Variants in ABCF2 observed in about 807,000 individuals in gnomAD.
The protein encoded by ABCF2 is ATP-binding cassette sub-family F member 2.
Under a neutral mutation model 76.9 loss-of-function variants are expected in ABCF2, and 37 were observed. The observed-to-expected ratio is 0.48, with a 90% CI of 0.37 to 0.63. The LOEUF is 0.63. Ranked by LOEUF, ABCF2 falls within the 30% of genes least tolerant of loss-of-function variation. The pLI is 0.00. For synonymous variants in ABCF2, 299 were observed against 283.7 expected (o/e 1.05, Z -0.54); for missense variants, 524 against 782.1 (o/e 0.67, Z 3.94).
At chr7:151,223,885 C>G in intron 4 of ABCF2, 36 bp from the exon 5 acceptor site, 1 of 1,605,174 alleles carries the variant, frequency 6.2e-7, no homozygotes, top group Non-Finnish European at 8.5e-7. Flanking sequence ...CTCCTGGGGG[C>G]CTTTCTGGGA....
In ABCF2 at chr7:151,223,858, A is replaced by G. The variant is rs762541455; in HGVS notation, c.551-9T>C. 5 of 1,607,150 alleles carry G rather than the reference A, an allele frequency of 3.1e-6. No homozygotes were observed. The South Asian group carries it at 3.3e-5, about 11-fold the overall frequency. On this transcript the variant is annotated splice_polypyrimidine_tract_variant and intron_variant, in intron 4 of 14. Transcript: ENST00000287844. ...GAGCTTCTCACACTCCGCTGTGGAC[A>G]GTGTATGGCCATGAGGCTCCTGGGG...
intron 3 of ABCF2, among the ~76,000 whole-genome samples, chr7:151,224,372 G>C (rs1802332751): frequency 6.6e-6 from 1 of 151,994 alleles, no homozygotes; most frequent in Non-Finnish European, 1.5e-5. Flanking sequence ...AACTTCTCCA[G>C]CACCTGCTGT....
chr7:151,211,755 C>T lies in ABCF2; in HGVS notation c.*2299G>A. ...GATGCCATTCTCCCCTGAACCAAGG[C>T]TCTGGACTCTCAGGACAGACTAACC... On this transcript the variant is annotated 3_prime_UTR_variant, in exon 15 of 15. Coordinates refer to ENST00000287844, the MANE Select transcript of ABCF2 (RefSeq NM_007189.3). The T allele has an allele frequency of 1.0e-6, 1 of 985,414 alleles. No homozygotes were observed. Among genetic ancestry groups the T allele is most frequent in the Non-Finnish European group, 1.2e-6 (1 of 829,932 alleles). 61.0% of individuals were successfully genotyped at this position (985,414 alleles called of 1,614,324 possible). A position where few individuals can be genotyped will look rare whatever the true frequency, so the allele number is the denominator to read the frequency against.
chr7:151,221,520 A>T, intron 7 of ABCF2, 58 bp downstream of exon 7: 18 of 1,055,414 alleles, frequency 1.7e-5, no homozygotes, highest in Non-Finnish European at 2.1e-5. Flanking sequence ...TTTTTTAAAG[A>T]GAATTTCAGA....
At chr7:151,225,924 T>C (rs1802362854) in intron 2 of ABCF2, among the ~76,000 whole-genome samples, 2 of 152,192 alleles carry the variant, frequency 1.3e-5, no homozygotes, top group Middle Eastern at 3.2e-3. Flanking sequence ...TACTCTCTTG[T>C]AGGTAGAGCC....
In ABCF2 at chr7:151,211,564, C is replaced by T. The variant is rs1440538028; in HGVS notation, c.*2490G>A. 1 of 985,260 alleles carries T rather than the reference C, an allele frequency of 1.0e-6. No individual in the cohort carries two copies. Among genetic ancestry groups the T allele is most frequent in the African/African-American group, 1.7e-5 (1 of 57,230 alleles). 61.0% of individuals were successfully genotyped at this position (985,260 alleles called of 1,614,324 possible). On this transcript the variant is annotated 3_prime_UTR_variant, in exon 15 of 15. Coordinates refer to ENST00000287844, the MANE Select transcript of ABCF2 (RefSeq NM_007189.3). ...GTTGACATTTTTCTTGACAAATAAG[C>T]TGACTAGACTATTTCCATTCCTCCA...
rs1802204289 is a variant in ABCF2 at position 151,218,759 on chromosome 7, C to T, written c.1132G>A (p.Asp378Asn). Residue 378 changes from aspartate to asparagine, a missense_variant, in exon 9 of 15, where the codon GAT (aspartate) becomes AAT (asparagine). Asp to Asn is a conservative substitution (Grantham distance 23). This residue lies in a region of ABCF2 where 194 missense variants were observed against 348.6 expected (regional missense o/e 0.56). Coordinates refer to ENST00000287844, the MANE Select transcript of ABCF2 (RefSeq NM_007189.3). ...CCCACCCAATCACACCCCACCTTAT[C>T]GCTCACGACCCTCTCTGTCAGTCCT... ...ASGLTERVVS[D>N]KTLSFYFPPC... 10 of 1,607,860 alleles carry T rather than the reference C, an allele frequency of 6.2e-6. No homozygotes were observed. The highest frequency in any genetic ancestry group is 1.1e-5 in the South Asian group (1 of 90,988).
intron 9 of ABCF2, 38 bp downstream of exon 9, chr7:151,218,716 A>AACCCCACCCAATCAC (rs778572651): frequency 6.2e-6 from 10 of 1,613,068 alleles, no homozygotes; most frequent in South Asian, 3.3e-5. Context: ...TAGGCCACCC[A>AACCCCACCCAATCAC]ACCCCACCCA....
At position 151,211,571 on chromosome 7, in the gene ABCF2, G is replaced by C. The variant is rs1056724; in HGVS notation, c.*2483C>G. ...TTTTTCTTGACAAATAAGCTGACTA[G>C]ACTATTTCCATTCCTCCAGGTTCTG... On this transcript the variant is annotated 3_prime_UTR_variant, in exon 15 of 15. Transcript: ENST00000287844. 8.1e-6 allele frequency: 8 copies of C among 985,214 alleles called. No homozygotes were observed. Among genetic ancestry groups the C allele is most frequent in the Non-Finnish European group, 9.6e-6 (8 of 829,854 alleles). The allele number at this position is 985,214 out of a possible 1,614,324, so 61.0% of individuals were successfully genotyped here.
Position 151,214,259 on chromosome 7 carries a change from C to A in ABCF2, c.1735-68G>T. 6.2e-7 allele frequency: 1 copy of A among 1,610,796 alleles called. No individual in the cohort carries two copies. On this transcript the variant is annotated intron_variant, in intron 14 of 14. Transcript: ENST00000287844. The surrounding 1 kb of genome is among the most constrained non-coding windows in gnomAD (Gnocchi z 4.9). ...CCCTGCCTCTGCCCAGCAGACTGTC[C>A]TGAGGGGCGTCTAGGAAGAAAACTC... is the stretch of plus-strand genomic sequence containing the variant.
intron 5 of ABCF2, among the ~76,000 whole-genome samples, chr7:151,222,928 C>G (rs775055416): frequency 8.5e-5 from 13 of 152,104 alleles, no homozygotes; most frequent in Non-Finnish European, 1.5e-4. Context: ...CAAAAAAATA[C>G]AGAGGAAATA....
Position 151,215,504 on chromosome 7 carries a change from G to GC in ABCF2, c.1530+99_1530+100insG, listed in dbSNP as rs1802131556. On this transcript the variant is annotated intron_variant, in intron 13 of 14. Coordinates refer to ENST00000287844, the MANE Select transcript of ABCF2 (RefSeq NM_007189.3). The surrounding 1 kb of genome is among the most constrained non-coding windows in gnomAD (Gnocchi z 4.6). ...GTCAAATGGAGGAGACTCTGGTTTG[G>GC]ACAGCTTCCAAACCCAGGCTGCCAG... The GC allele has an allele frequency of 6.8e-6, 10 of 1,478,560 alleles. No individual in the cohort carries two copies. In the South Asian group the frequency reaches 1.1e-4, roughly 16 times the overall value. The allele number at this position is 1,478,560 out of a possible 1,614,324, so 91.6% of individuals were successfully genotyped here. A position where few individuals can be genotyped will look rare whatever the true frequency, so the allele number is the denominator to read the frequency against.
At chr7:151,220,328 G>A (rs55968735) in intron 7 of ABCF2, among the ~76,000 whole-genome samples, 10,254 of 146,914 alleles carry the variant, frequency 0.07, 471 homozygotes, top group Admixed American at 0.12. Context: ...GGTGGAGGTT[G>A]CAGTGAGCCC....
At chr7:151,223,545 T>C in intron 5 of ABCF2, 133 bp downstream of exon 5, 1 of 1,064,236 alleles carries the variant, frequency 9.4e-7, no homozygotes, top group Non-Finnish European at 1.3e-6. Context: ...AACAACCCCC[T>C]CCACACTGCA....
At chr7:151,219,856 T>C (rs1240589829) in intron 7 of ABCF2, among the ~76,000 whole-genome samples, 1 of 152,224 alleles carries the variant, frequency 6.6e-6, no homozygotes, top group Admixed American at 6.5e-5. Context: ...TCCAGCACTT[T>C]GGGAGGCTGA....
intron 8 of ABCF2, 61 bp from the exon 9 acceptor site, chr7:151,218,934 C>T: frequency 1.2e-6 from 2 of 1,609,500 alleles, no homozygotes; most frequent in South Asian, 2.2e-5. Flanking sequence ...ATCTTCAATC[C>T]AGGGTAAAAA....
rs1802126783 is a variant in ABCF2, at chr7:151,215,217, A to G, written c.1531-135T>C. ...AAAGTGAGGCTCAGAGAGACCCACT[A>G]GTCTCTTGAGGCCTGAAAGAGACTC... On this transcript the variant is annotated intron_variant, in intron 13 of 14. Transcript: ENST00000287844. The surrounding 1 kb of genome is among the most constrained non-coding windows in gnomAD (Gnocchi z 4.6). 1.2e-6 allele frequency: 1 copy of G among 867,328 alleles called. No homozygotes were observed. Among genetic ancestry groups the G allele is most frequent in the Non-Finnish European group, 1.8e-6 (1 of 554,916 alleles). The allele number at this position is 867,328 out of a possible 1,614,324, so 53.7% of individuals were successfully genotyped here.
At chr7:151,223,648 A>G (rs2150576093) in intron 5 of ABCF2, 30 bp downstream of exon 5, 1 of 1,562,266 alleles carries the variant, frequency 6.4e-7, no homozygotes, top group Non-Finnish European at 8.7e-7. Context: ...TGGGGGAGTT[A>G]TGGGGGTAGG....
rs754056484 is a variant in ABCF2, at chr7:151,215,105, T to C, written c.1531-23A>G. ...CACCTGAGTAGAACCGTGACCTACA[T>C]ATAACTTGGCATTATCCCCGCCAAA... On this transcript the variant is annotated intron_variant, in intron 13 of 14. Coordinates refer to ENST00000287844, the MANE Select transcript of ABCF2 (RefSeq NM_007189.3). The surrounding 1 kb of genome is among the most constrained non-coding windows in gnomAD (Gnocchi z 4.6). 1.2e-6 allele frequency: 2 copies of C among 1,600,384 alleles called. No individual in the cohort carries two copies. Among genetic ancestry groups the C allele is most frequent in the Admixed American group, 3.4e-5 (2 of 58,108 alleles).
Sources: allele counts gnomAD v4.1 joint callset (sites outside exome capture counted in the v4.1 genomes callset), GRCh38; gene constraint gnomAD v4.1.1; regional missense constraint gnomAD v4.1.1; non-coding constraint Gnocchi (gnomAD v3.1); transcripts MANE v1.5; gene names NCBI Gene and HGNC (gene_info 2026-07-23, HGNC 2026-07-21).